Variants in HMBOX1 observed in about 807,000 individuals in gnomAD.
HMBOX1 encodes the protein homeobox-containing protein 1.
A neutral mutation model predicts 54.5 loss-of-function variants in HMBOX1; 14 were observed. That is an observed-to-expected ratio of 0.26 (90% CI 0.17 to 0.40). The LOEUF (loss-of-function observed/expected upper bound fraction) is 0.40, where lower values mean the gene tolerates loss of function less well. Among genes scored for constraint, HMBOX1 ranks in the 10% least tolerant of loss-of-function variants. The pLI is 1.00. For missense variants in HMBOX1, 332 were observed against 514.4 expected (o/e 0.65, Z 3.43); for synonymous variants, 160 against 181.0 (o/e 0.88, Z 0.93).
chr8:28,951,894 A>G (rs890522652), intron 1 of HMBOX1, among the ~76,000 whole-genome samples: 8 of 152,200 alleles, frequency 5.3e-5, no homozygotes, highest in African/African-American at 1.4e-4. Flanking sequence ...CAGGCTGAGC[A>G]CGGTGGCTCC....
intron 4 of HMBOX1, among the ~76,000 whole-genome samples, chr8:29,000,063 TA>T (rs1166159600): frequency 2.6e-5 from 4 of 152,216 alleles, no homozygotes; most frequent in Non-Finnish European, 4.4e-5. Flanking sequence ...GATGTTTGTT[TA>T]ATGAATTTCC....
chr8:28,948,118 A>T (rs1822805881), intron 1 of HMBOX1, among the ~76,000 whole-genome samples: 2 of 152,128 alleles, frequency 1.3e-5, no homozygotes, highest in Admixed American at 1.3e-4. Flanking sequence ...CTTTATTAAG[A>T]TTTTATTTTC....
intron 4 of HMBOX1, among the ~76,000 whole-genome samples, chr8:28,997,621 A>T (rs1410094891): frequency 1.3e-5 from 2 of 152,188 alleles, no homozygotes; most frequent in East Asian, 3.8e-4. Flanking sequence ...ATCAGGGCTC[A>T]CTACAGCCTT....
At chr8:28,948,837 T>G (rs955754391) in intron 1 of HMBOX1, among the ~76,000 whole-genome samples, 14 of 152,176 alleles carry the variant, frequency 9.2e-5, no homozygotes, top group African/African-American at 3.4e-4. Context: ...CTATAATATT[T>G]CCTTTATTAA....
intron 2 of HMBOX1, among the ~76,000 whole-genome samples, chr8:28,966,645 TTATATTAA>T (rs1381611637): frequency 6.6e-6 from 1 of 152,162 alleles, no homozygotes; most frequent in Non-Finnish European, 1.5e-5. Context: ...ATGCCTTTGT[TTATATTAA>T]TACACATTGG....
At position 28,998,374 on chromosome 8, in the gene HMBOX1, C is replaced by T. The variant is rs114443769; in HGVS notation, c.587-10698C>T. 5.4e-3 allele frequency among the ~76,000 whole-genome samples: 818 copies of T among 152,196 alleles called. 7 individuals are homozygous for T. The highest frequency in any genetic ancestry group is 0.016 in the African/African-American group (676 of 41,540). ...TGTACATTTATAGTTATATCTTCCT[C>T]GTTAATTGAGCCTTTTATTATGTCT... On this transcript the variant is annotated intron_variant, in intron 4 of 9. Coordinates refer to ENST00000287701, the MANE Select transcript of HMBOX1 (RefSeq NM_001135726.3).
chr8:28,986,946 A>T (rs758924023), intron 4 of HMBOX1, among the ~76,000 whole-genome samples: 23 of 152,074 alleles, frequency 1.5e-4, no homozygotes, highest in Non-Finnish European at 2.8e-4. Flanking sequence ...GAGGAATTGG[A>T]GTGGAAATAA....
rs1806456419 is a variant in HMBOX1 at position 29,051,830 on chromosome 8, A to C, written c.*675A>C. On this transcript the variant is annotated 3_prime_UTR_variant, in exon 10 of 10. Coordinates refer to ENST00000287701, the MANE Select transcript of HMBOX1 (RefSeq NM_001135726.3). ...TTTCCTCTCACAAGCTGTGTGACTT[A>C]GTAGATAAAATACTGCCTTCTGCCT... 7.3e-6 allele frequency: 3 copies of C among 410,756 alleles called. No individual in the cohort carries two copies. The highest frequency in any genetic ancestry group is 1.3e-5 in the Non-Finnish European group (3 of 224,370). 25.4% of individuals were successfully genotyped at this position (410,756 alleles called of 1,614,324 possible).
chr8:28,915,273 T>A (rs1227688778), intron 1 of HMBOX1, among the ~76,000 whole-genome samples: 1 of 152,010 alleles, frequency 6.6e-6, no homozygotes, highest in East Asian at 1.9e-4. Context: ...AGAGACAGGG[T>A]CTGACTGGGC....
At chr8:29,041,760 T>G (rs1804856947) in intron 6 of HMBOX1, among the ~76,000 whole-genome samples, 1 of 151,986 alleles carries the variant, frequency 6.6e-6, no homozygotes, top group Non-Finnish European at 1.5e-5. Context: ...AGTTATTCCA[T>G]TTTCCTGGGT....
chr8:28,992,583 A>G (rs927861412), intron 4 of HMBOX1, among the ~76,000 whole-genome samples: 1 of 152,092 alleles, frequency 6.6e-6, no homozygotes, highest in Non-Finnish European at 1.5e-5. Context: ...AAGAGTATAC[A>G]ATGCTGGCTG....
At chr8:29,029,177 C>A (rs1341464291) in intron 6 of HMBOX1, among the ~76,000 whole-genome samples, 1 of 152,138 alleles carries the variant, frequency 6.6e-6, no homozygotes, top group Non-Finnish European at 1.5e-5. Flanking sequence ...TTAGCAGTAT[C>A]CTCAGTTTGT....
chr8:28,902,106 A>G (rs1020758667), intron 1 of HMBOX1, among the ~76,000 whole-genome samples: 57 of 152,316 alleles, frequency 3.7e-4, no homozygotes, highest in African/African-American at 1.3e-3. Flanking sequence ...TGTTATGTAT[A>G]TGAATTGGAT....
intron 1 of HMBOX1, among the ~76,000 whole-genome samples, chr8:28,955,214 C>T (rs569288089): frequency 2.6e-5 from 4 of 151,946 alleles, no homozygotes; most frequent in Admixed American, 1.3e-4. Context: ...AGTATAGTCT[C>T]TTTTTTTTCT....
chr8:28,925,652 C>A (rs1397777085), intron 1 of HMBOX1, among the ~76,000 whole-genome samples: 1 of 151,640 alleles, frequency 6.6e-6, no homozygotes, highest in Non-Finnish European at 1.5e-5. Context: ...AAAAAAAAAT[C>A]TCTCTCATTA....
intron 3 of HMBOX1, among the ~76,000 whole-genome samples, chr8:28,973,527 A>G (rs556198375): frequency 6.6e-6 from 1 of 152,274 alleles, no homozygotes; most frequent in African/African-American, 2.4e-5. Context: ...AAATATTTTG[A>G]GCAGTGGATC....
chr8:28,959,963 C>G (rs1229420225), intron 1 of HMBOX1, among the ~76,000 whole-genome samples: 2 of 151,716 alleles, frequency 1.3e-5, no homozygotes, highest in Non-Finnish European at 2.9e-5. Context: ...TTTTTTCCCC[C>G]AATACTATGG....
chr8:29,042,445 A>C (rs1326623112), intron 6 of HMBOX1, among the ~76,000 whole-genome samples: 1 of 152,212 alleles, frequency 6.6e-6, no homozygotes, highest in Non-Finnish European at 1.5e-5. Flanking sequence ...GCAAAAAGTG[A>C]CAGTGGTCAG....
intron 1 of HMBOX1, among the ~76,000 whole-genome samples, chr8:28,920,248 T>C (rs1033700123): frequency 6.6e-6 from 1 of 152,228 alleles, no homozygotes; most frequent in Non-Finnish European, 1.5e-5. Context: ...AACCTGTTTT[T>C]ATTAACTAAT....
Sources: gnomAD v4.1 joint callset for allele counts (sites outside exome capture counted in the v4.1 genomes callset) on GRCh38, gnomAD v4.1.1 for gene constraint, MANE v1.5 for transcripts, NCBI Gene and HGNC (gene_info 2026-07-23, HGNC 2026-07-21) for gene names.